The following MUSK variants were observed in gnomAD, a reference collection of about 807,000 sequenced individuals.
The protein encoded by MUSK is muscle, skeletal receptor tyrosine-protein kinase.
In MUSK, 55 loss-of-function variants were observed where a neutral mutation model predicts 88.7. The ratio of observed to expected loss-of-function variants is 0.62; its 90% CI spans 0.50 to 0.78. The LOEUF is 0.78. Among genes scored for constraint, MUSK ranks in the 30% least tolerant of loss-of-function variants. The pLI, the probability that MUSK is intolerant of heterozygous loss-of-function variation, is 0.00. For synonymous variants in MUSK, 387 were observed against 391.9 expected (o/e 0.99, Z 0.15); for missense variants, 1,015 against 1,074.3 (o/e 0.94, Z 0.77).
intron 3 of MUSK, among the ~76,000 whole-genome samples, chr9:110,693,005 T>C (rs1006141480): frequency 3.3e-5 from 5 of 152,180 alleles, no homozygotes; most frequent in Admixed American, 1.3e-4. Flanking sequence ...CTTTATGGAA[T>C]ACTGATTTGG....
intron 11 of MUSK, among the ~76,000 whole-genome samples, chr9:110,781,934 T>A (rs7862331): frequency 0.15 from 22,830 of 152,184 alleles, 4,580 homozygotes; most frequent in African/African-American, 0.46. Flanking sequence ...TATGTTTAAC[T>A]TACAGTTACT....
intron 8 of MUSK, among the ~76,000 whole-genome samples, chr9:110,766,176 T>C (rs2846459): frequency 0.14 from 21,939 of 152,120 alleles, 1,911 homozygotes; most frequent in East Asian, 0.3. Context: ...TTCTGGTGTC[T>C]GATCTGACTT....
Position 110,787,812 on chromosome 9 carries a change from A to T in MUSK, c.1901A>T (p.Asp634Val). The part of the protein sequence containing the change: ...QREAALMAEF[D>V]NPNIVKLLGV... ...GAGGCAGCCCTCATGGCAGAATTTG[A>T]CAACCCTAACATTGTGAAGCTATTA... is the stretch of plus-strand genomic sequence containing the variant. Residue 634 changes from aspartate to valine, a missense_variant, in exon 14 of 15, where the codon GAC becomes GTC. Coordinates refer to ENST00000374448, the MANE Select transcript of MUSK (RefSeq NM_005592.4). The T allele has an allele frequency of 6.2e-7, 1 of 1,613,038 alleles. No individual in the cohort carries two copies. Among genetic ancestry groups the T allele is most frequent in the Non-Finnish European group, 8.5e-7 (1 of 1,179,416 alleles).
In MUSK at chr9:110,682,938, G is replaced by A; in HGVS notation, c.206+138G>A. On this transcript the variant is annotated intron_variant, in intron 2 of 14. Transcript: ENST00000374448. ...AAATAAGTACCTCATGGAGAATGGGGTATCCATCCCCTCAAGCATTAATCA... is the reference window on the plus strand; with the variant it reads ...AAATAAGTACCTCATGGAGAATGGGATATCCATCCCCTCAAGCATTAATCA... 3 of 524,504 alleles carry A rather than the reference G, an allele frequency of 5.7e-6. No individual in the cohort carries two copies. In the South Asian group the frequency reaches 1.1e-4, roughly 20 times the overall value. 32.5% of individuals were successfully genotyped at this position (524,504 alleles called of 1,614,324 possible). A position where few individuals can be genotyped will look rare whatever the true frequency, so the allele number is the denominator to read the frequency against.
intron 2 of MUSK, among the ~76,000 whole-genome samples, chr9:110,686,613 T>G (rs1434995929): frequency 6.6e-6 from 1 of 152,174 alleles, no homozygotes; most frequent in African/African-American, 2.4e-5. Context: ...CTCCCTTATG[T>G]ATCCCAAGTA....
intron 9 of MUSK, among the ~76,000 whole-genome samples, chr9:110,773,881 T>C (rs1397090642): frequency 6.6e-6 from 1 of 152,218 alleles, no homozygotes; most frequent in Non-Finnish European, 1.5e-5. Context: ...AGAAAGATTA[T>C]TTCTTTAATT....
intron 5 of MUSK, among the ~76,000 whole-genome samples, chr9:110,722,335 G>T (rs1298780815): frequency 1.3e-5 from 2 of 152,054 alleles, no homozygotes; most frequent in East Asian, 1.9e-4. Context: ...TTGAAGACCA[G>T]CCTGGCCAAT....
intron 1 of MUSK, among the ~76,000 whole-genome samples, chr9:110,675,098 G>T (rs2076007203): frequency 6.6e-6 from 1 of 152,014 alleles, no homozygotes; most frequent in Admixed American, 6.6e-5. Flanking sequence ...TTATGTGGAG[G>T]CTATACATTA....
At chr9:110,751,151 C>T (rs1202379816) in intron 7 of MUSK, among the ~76,000 whole-genome samples, 1 of 152,130 alleles carries the variant, frequency 6.6e-6, no homozygotes, top group Non-Finnish European at 1.5e-5. Context: ...CTTTAAGATG[C>T]CGAGAGGACT....
At chr9:110,703,716 AAAG>A (rs1327060951) in intron 5 of MUSK, among the ~76,000 whole-genome samples, 1 of 152,128 alleles carries the variant, frequency 6.6e-6, no homozygotes, top group Non-Finnish European at 1.5e-5. Context: ...TTCAGTGCAG[AAAG>A]ATTTTGAAAG....
chr9:110,780,233 C>T (rs1157024101), intron 11 of MUSK, among the ~76,000 whole-genome samples: 2 of 152,046 alleles, frequency 1.3e-5, no homozygotes, highest in Non-Finnish European at 2.9e-5. Flanking sequence ...TATGTTTTCT[C>T]CACTGCTAAG....
At position 110,801,043 on chromosome 9, in the gene MUSK, G is replaced by A. The variant is rs2078091058; in HGVS notation, c.*55G>A. The A allele has an allele frequency of 1.4e-6, 2 of 1,422,442 alleles. No individual in the cohort carries two copies. Among genetic ancestry groups the A allele is most frequent in the South Asian group, 1.6e-5 (1 of 63,922 alleles). 88.1% of individuals were successfully genotyped at this position (1,422,442 alleles called of 1,614,324 possible). On this transcript the variant is annotated 3_prime_UTR_variant, in exon 15 of 15. Transcript: ENST00000374448. The stretch of plus-strand genomic sequence containing the variant: ...GTTTCCTCTCAGACTCTGTGAGCCA[G>A]GGGAATCCTACACCAGAGGCCCAAC...
chr9:110,705,524 G>T lies in MUSK; in HGVS notation c.628+8058G>T, dbSNP rs530937927. Among the ~76,000 whole-genome samples, 7 of 152,288 alleles carry T rather than the reference G, an allele frequency of 4.6e-5. No individual in the cohort carries two copies. The East Asian group carries it at 1.4e-3, about 29-fold the overall frequency. ...GACTCTTCTTTTCTATGTATAGATG[G>T]AAATCTGAAATTTATGATTTTATAG... On this transcript the variant is annotated intron_variant, in intron 5 of 14. Coordinates refer to ENST00000374448, the MANE Select transcript of MUSK (RefSeq NM_005592.4).
chr9:110,672,681 C>A (rs1039329421), intron 1 of MUSK, among the ~76,000 whole-genome samples: 7 of 152,114 alleles, frequency 4.6e-5, no homozygotes, highest in African/African-American at 1.7e-4. Flanking sequence ...ATACTGCATT[C>A]ATAATGTTAG....
rs560225604 is a variant in MUSK at position 110,804,052 on chromosome 9, T to A, written c.*3064T>A. Among the ~76,000 whole-genome samples, 70 of 152,300 alleles carry A rather than the reference T, an allele frequency of 4.6e-4. No homozygotes were observed. The highest frequency in any genetic ancestry group is 1.6e-3 in the African/African-American group (66 of 41,570). On this transcript the variant is annotated 3_prime_UTR_variant, in exon 15 of 15. Coordinates refer to ENST00000374448, the MANE Select transcript of MUSK (RefSeq NM_005592.4). ...TCGTGGTAGAGCAGAAAAAGAACAC[T>A]TTCTTTTCATTTTACAGTATATTAC...
At chr9:110,701,316 G>A (rs2076497389) in intron 5 of MUSK, among the ~76,000 whole-genome samples, 1 of 152,134 alleles carries the variant, frequency 6.6e-6, no homozygotes, top group Admixed American at 6.6e-5. Context: ...ATAGCAGAAA[G>A]CTAAATTCAA....
At chr9:110,681,528 A>G (rs1160500876) in intron 1 of MUSK, among the ~76,000 whole-genome samples, 3 of 152,012 alleles carry the variant, frequency 2.0e-5, no homozygotes, top group Non-Finnish European at 4.4e-5. Context: ...TATAAGAATG[A>G]CATTTCAGGA....
intron 5 of MUSK, among the ~76,000 whole-genome samples, chr9:110,702,596 G>C (rs894458554): frequency 1.3e-5 from 2 of 152,186 alleles, no homozygotes; most frequent in South Asian, 4.1e-4. Context: ...GGAATTCTCA[G>C]CTGGAAAAAT....
chr9:110,708,301 T>C (rs2076627272), intron 5 of MUSK, among the ~76,000 whole-genome samples: 1 of 152,214 alleles, frequency 6.6e-6, no homozygotes. Flanking sequence ...TTTGATTTGC[T>C]TTTTCCTTTG....
Sources: allele counts gnomAD v4.1 joint callset (sites outside exome capture counted in the v4.1 genomes callset), GRCh38; gene constraint gnomAD v4.1.1; transcripts MANE v1.5; gene names NCBI Gene and HGNC (gene_info 2026-07-23, HGNC 2026-07-21).